The following ERCC2 variants were observed in gnomAD, a reference collection of about 807,000 sequenced individuals.
The protein encoded by ERCC2 is ERCC excision repair 2, TFIIH core complex helicase subunit.
ERCC2 carries 90 observed loss-of-function variants against 99.4 expected under a neutral mutation model. The ratio of observed to expected loss-of-function variants is 0.91; its 90% CI spans 0.76 to 1.08. The LOEUF is 1.08. ERCC2 is among the 50% of genes least tolerant of loss of function. ERCC2 has a pLI of 0.00. For synonymous variants in ERCC2, 497 were observed against 432.4 expected (o/e 1.15, Z -1.85); for missense variants, 993 against 1,038.1 (o/e 0.96, Z 0.60).
In ERCC2 at chr19:45,350,061, G is replaced by A. The variant is rs897317240; in HGVS notation, c.*1568C>T. On this transcript the variant is annotated 3_prime_UTR_variant, in exon 23 of 23. Transcript: ENST00000391945. ...CATCCCCAGGGCAGGAAGTAAGGCC[G>A]AGCTCCAAACCCACTCTGCCCCAGG... The A allele has an allele frequency of 2.7e-4, 128 of 479,748 alleles. 2 individuals are homozygous for A. The highest frequency in any genetic ancestry group is 3.9e-4 in the Non-Finnish European group (105 of 267,630). 29.7% of individuals were successfully genotyped at this position (479,748 alleles called of 1,614,324 possible).
rs141457460 is a variant in ERCC2 at position 45,357,512 on chromosome 19, C to T, written c.1339G>A (p.Val447Ile). 8.2e-5 allele frequency: 132 copies of T among 1,614,206 alleles called. No homozygotes were observed. The South Asian group carries it at 9.9e-4, about 12-fold the overall frequency. The change falls in exon 14 of 23, where the codon GTA becomes ATA. Residue 447 changes from valine (V) to isoleucine (I), a missense_variant. Physicochemically the swap from Val to Ile is conservative, Grantham distance 29 (BLOSUM62 3). Around this residue, in one of 3 missense-constraint regions of ERCC2, gnomAD observed 909 missense variants for 930.8 expected, o/e 0.98. Transcript: ENST00000391945. ...CMDASLAIKPVFERFQSVIIT... is the reference protein window; with the variant it reads ...CMDASLAIKPIFERFQSVIIT... ...ATGACAGACTGGAAACGCTCAAATACGGGTTTGATGGCCAGCGAGGCGTCC... is the reference window on the plus strand; with the variant it reads ...ATGACAGACTGGAAACGCTCAAATATGGGTTTGATGGCCAGCGAGGCGTCC...
Position 45,350,878 on chromosome 19 carries a change from C to T in ERCC2, c.*751G>A. 6.5e-7 allele frequency: 1 copy of T among 1,545,830 alleles called. No individual in the cohort carries two copies. Among genetic ancestry groups the T allele is most frequent in the Non-Finnish European group, 8.9e-7 (1 of 1,119,808 alleles). On this transcript the variant is annotated 3_prime_UTR_variant, in exon 23 of 23. Coordinates refer to ENST00000391945, the MANE Select transcript of ERCC2 (RefSeq NM_000400.4). ...CCCTGTGATACACACAGATCAAACC[C>T]TGTGCTGGAAAGGTCCCTCGTGGAG...
At position 45,351,232 on chromosome 19, in the gene ERCC2, A is replaced by C. The variant is rs980665244; in HGVS notation, c.*397T>G. 3.8e-6 allele frequency: 6 copies of C among 1,589,890 alleles called. No individual in the cohort carries two copies. Among genetic ancestry groups the C allele is most frequent in the Admixed American group, 3.4e-5 (2 of 58,534 alleles). On this transcript the variant is annotated 3_prime_UTR_variant, in exon 23 of 23. Transcript: ENST00000391945. ...GGCTGGACCTGGAGCTGGAGGGTGGATGTAACACTTGCCCCTCACCTCCCC... is the reference window on the plus strand; with the variant it reads ...GGCTGGACCTGGAGCTGGAGGGTGGCTGTAACACTTGCCCCTCACCTCCCC...
chr19:45,367,368 T>TACACAC (rs35938083), intron 5 of ERCC2, among the ~76,000 whole-genome samples: 37 of 83,320 alleles, frequency 4.4e-4, no homozygotes, highest in South Asian at 1.1e-3. Context: ...TATATATATA[T>TACACAC]ACACACACAC....
rs753422208 is a variant in ERCC2, at chr19:45,357,570, C to T, written c.1308-27G>A. The T allele has an allele frequency of 1.1e-5, 17 of 1,613,758 alleles. No homozygotes were observed. In the Admixed American group the frequency reaches 2.5e-4, roughly 24 times the overall value. ...TGGAGAGAGATGAGGGCAGTGAGGGCCCGGGGGGCTGGGCCCCCGACCCAC... is the reference window on the plus strand; with the variant it reads ...TGGAGAGAGATGAGGGCAGTGAGGGTCCGGGGGGCTGGGCCCCCGACCCAC... On this transcript the variant is annotated intron_variant, in intron 13 of 22. Coordinates refer to ENST00000391945, the MANE Select transcript of ERCC2 (RefSeq NM_000400.4).
At chr19:45,354,149 G>C (rs1187333335) in intron 17 of ERCC2, among the ~76,000 whole-genome samples, 1 of 152,204 alleles carries the variant, frequency 6.6e-6, no homozygotes, top group African/African-American at 2.4e-5. Flanking sequence ...ACTCCTGAGA[G>C]CCCGGCCATG....
rs1244975454 is a variant in ERCC2 at position 45,357,708 on chromosome 19, G to A, written c.1238-9C>T. On this transcript the variant is annotated splice_polypyrimidine_tract_variant and intron_variant, in intron 12 of 22. Coordinates refer to ENST00000391945, the MANE Select transcript of ERCC2 (RefSeq NM_000400.4). ...GATGATGATGGTGAAGCCTGCAGAGGGCAGGCAAGGAGGGGTGAGATTACC... is the reference window on the plus strand; with the variant it reads ...GATGATGATGGTGAAGCCTGCAGAGAGCAGGCAAGGAGGGGTGAGATTACC... 4 of 1,612,860 alleles carry A rather than the reference G, an allele frequency of 2.5e-6. No homozygotes were observed. Among genetic ancestry groups the A allele is most frequent in the Admixed American group, 1.7e-5 (1 of 60,008 alleles).
At chr19:45,367,673 C>A (rs1306495138) in intron 5 of ERCC2, among the ~76,000 whole-genome samples, 1 of 151,690 alleles carries the variant, frequency 6.6e-6, no homozygotes, top group African/African-American at 2.4e-5. Context: ...ATGTGCCCAG[C>A]TAATTTTTCA....
intron 22 of ERCC2, 21 bp downstream of exon 22, chr19:45,352,188 G>C: frequency 6.2e-7 from 1 of 1,612,718 alleles, no homozygotes. Context: ...GAGGGTGCCG[G>C]GAGGGGGACG....
intron 12 of ERCC2, among the ~76,000 whole-genome samples, chr19:45,359,491 T>C (rs1303215526): frequency 6.6e-6 from 1 of 152,162 alleles, no homozygotes; most frequent in African/African-American, 2.4e-5. Flanking sequence ...GAGCCCCTGG[T>C]CAGCTTCACG....
rs1395186004 is a variant in ERCC2, at chr19:45,352,341, A to C, written c.2058T>G (p.Arg686=). The C allele has an allele frequency of 1.9e-6, 3 of 1,613,796 alleles. No homozygotes were observed. The African/African-American group carries it at 4.0e-5, about 22-fold the overall frequency. ...LMVFADKRFA[R]GDKRGKLPRW... Reference sequence around the variant, plus strand: ...GGGGCAGCTTCCCCCGCTTGTCCCCACGGGCAAACCGCTGTGGGCAGAAGC... The same window carrying C: ...GGGGCAGCTTCCCCCGCTTGTCCCCCCGGGCAAACCGCTGTGGGCAGAAGC... Residue 686 remains arginine (R), a synonymous_variant, in exon 22 of 23, where the codon CGT becomes CGG. Coordinates refer to ENST00000391945, the MANE Select transcript of ERCC2 (RefSeq NM_000400.4).
chr19:45,366,613 T>G (rs1259983027), intron 5 of ERCC2, among the ~76,000 whole-genome samples: 1 of 152,180 alleles, frequency 6.6e-6, no homozygotes, highest in Non-Finnish European at 1.5e-5. Flanking sequence ...CTCTGTACCC[T>G]CTAAGGCACC....
intron 12 of ERCC2, chr19:45,358,880 G>A (rs756286626): frequency 5.1e-6 from 4 of 780,526 alleles, no homozygotes; most frequent in Non-Finnish European, 9.6e-6. Flanking sequence ...GATCTTTTTT[G>A]GTTCCTGCTG....
chr19:45,370,389 C>T, intron 1 of ERCC2, 147 bp downstream of exon 1: 5 of 1,504,956 alleles, frequency 3.3e-6, no homozygotes, highest in Non-Finnish European at 4.4e-6. Context: ...TGTCTCCTCG[C>T]TATCACTGCT....
Position 45,364,404 on chromosome 19 carries a change from G to T in ERCC2, c.718+20C>A. On this transcript the variant is annotated intron_variant, in intron 8 of 22. Coordinates refer to ENST00000391945, the MANE Select transcript of ERCC2 (RefSeq NM_000400.4). ...ACTCAGAGGGGCTGGCATCCCTTTG[G>T]CCCCTGGCGCCCCCCTCACCAATGT... 6.2e-7 allele frequency: 1 copy of T among 1,613,850 alleles called. No individual in the cohort carries two copies. The highest frequency in any genetic ancestry group is 1.1e-5 in the South Asian group (1 of 91,086).
In ERCC2 at chr19:45,351,613, G is replaced by A. The variant is rs1332422483; in HGVS notation, c.*16C>T. On this transcript the variant is annotated 3_prime_UTR_variant, in exon 23 of 23. Coordinates refer to ENST00000391945, the MANE Select transcript of ERCC2 (RefSeq NM_000400.4). ...CAGGAGTCACCAGGAACCGTTTATG[G>A]CCCCACCCGCCCCACTCAGAGCTGC... 1.9e-6 allele frequency: 3 copies of A among 1,613,250 alleles called. No homozygotes were observed. Among genetic ancestry groups the A allele is most frequent in the Non-Finnish European group, 2.5e-6 (3 of 1,179,656 alleles).
chr19:45,353,309 T>G lies in ERCC2; in HGVS notation c.1691A>C (p.Asn564Thr), dbSNP rs761029037. Reference protein sequence around the residue: ...EQGILENIQRNKLLFIETQDG... With the variant: ...EQGILENIQRTKLLFIETQDG... ...CTGGGTCTCAATAAAGAGCAGCTTG[T>G]TCCTCTGGATGTTCTCAAGGATCCC... Residue 564 changes from asparagine (N) to threonine (T), a missense_variant, in exon 18 of 23, where the codon AAC becomes ACC. Physicochemically the swap from Asn to Thr is moderately conservative, Grantham distance 65. Around this residue, in one of 3 missense-constraint regions of ERCC2, gnomAD observed 909 missense variants for 930.8 expected, o/e 0.98. Transcript: ENST00000391945. 2.5e-6 allele frequency: 4 copies of G among 1,613,838 alleles called. No individual in the cohort carries two copies. The highest frequency in any genetic ancestry group is 1.1e-5 in the South Asian group (1 of 91,058).
At chr19:45,359,644 C>T (rs949031471) in intron 12 of ERCC2, among the ~76,000 whole-genome samples, 3 of 152,222 alleles carry the variant, frequency 2.0e-5, no homozygotes, top group Admixed American at 1.3e-4. Flanking sequence ...ATCCCAGCCT[C>T]TCTACCTCCC....
In ERCC2 at chr19:45,350,587, C is replaced by G. The variant is rs375570963; in HGVS notation, c.*1042G>C. On this transcript the variant is annotated 3_prime_UTR_variant, in exon 23 of 23. Transcript: ENST00000391945. Reference sequence around the variant, plus strand: ...GCTGTGCTTCGGCTCCTGGGGTGGGCGTGGGGACTGCATGGGCCTGGGGGA... The same window carrying G: ...GCTGTGCTTCGGCTCCTGGGGTGGGGGTGGGGACTGCATGGGCCTGGGGGA... 6.6e-5 allele frequency: 107 copies of G among 1,613,764 alleles called. No individual in the cohort carries two copies. The African/African-American group carries it at 1.3e-3, about 19-fold the overall frequency.
Sources: allele counts gnomAD v4.1 joint callset (sites outside exome capture counted in the v4.1 genomes callset), GRCh38; gene constraint gnomAD v4.1.1; regional missense constraint gnomAD v4.1.1; transcripts MANE v1.5; gene names NCBI Gene and HGNC (gene_info 2026-07-23, HGNC 2026-07-21).